Variants in SLC25A40 observed in about 807,000 individuals in gnomAD.
The protein encoded by SLC25A40 is solute carrier family 25 member 40.
SLC25A40 carries 41 observed loss-of-function variants against 46.5 expected under a neutral mutation model. That is an observed-to-expected ratio of 0.88 (90% CI 0.69 to 1.14). The LOEUF (loss-of-function observed/expected upper bound fraction) is 1.14. Ranked by LOEUF, SLC25A40 falls within the 50% of genes most tolerant of loss-of-function variation. The pLI, the probability that SLC25A40 is intolerant of heterozygous loss-of-function variation, is 0.00. For synonymous variants in SLC25A40, 126 were observed against 127.5 expected (o/e 0.99, Z 0.08); for missense variants, 386 against 393.6 (o/e 0.98, Z 0.16).
intron 10 of SLC25A40, among the ~76,000 whole-genome samples, chr7:87,838,679 T>C (rs1023861040): frequency 6.6e-6 from 1 of 151,486 alleles, no homozygotes; most frequent in African/African-American, 2.4e-5. Flanking sequence ...TTTTTTCATC[T>C]TTCTCATGCA....
rs542218076 is a variant in SLC25A40 at position 87,836,216 on chromosome 7, C to T, written c.*33G>A. 7.5e-7 allele frequency: 1 copy of T among 1,333,464 alleles called. No individual in the cohort carries two copies. The highest frequency in any genetic ancestry group is 1.3e-5 in the South Asian group (1 of 77,622). The allele number at this position is 1,333,464 out of a possible 1,614,324, so 82.6% of individuals were successfully genotyped here. A position where few individuals can be genotyped will look rare whatever the true frequency, so the allele number is the denominator to read the frequency against. ...GCCTAAGAGTCTCCATCTTCTTTGGCTATAGTTGTTGTTTCAAGTTGAAAC... is the reference window on the plus strand; with the variant it reads ...GCCTAAGAGTCTCCATCTTCTTTGGTTATAGTTGTTGTTTCAAGTTGAAAC... On this transcript the variant is annotated 3_prime_UTR_variant, in exon 12 of 12. Coordinates refer to ENST00000341119, the MANE Select transcript of SLC25A40 (RefSeq NM_018843.4).
At chr7:87,871,291 C>T (rs1382680731) in intron 1 of SLC25A40, among the ~76,000 whole-genome samples, 2 of 152,204 alleles carry the variant, frequency 1.3e-5, no homozygotes, top group Non-Finnish European at 2.9e-5. Context: ...CAAAAACAGC[C>T]TCCAGATAAT....
intron 5 of SLC25A40, among the ~76,000 whole-genome samples, chr7:87,851,708 A>G (rs1370486752): frequency 6.6e-6 from 1 of 152,214 alleles, no homozygotes; most frequent in Non-Finnish European, 1.5e-5. Flanking sequence ...CTTCCCTCAC[A>G]CTGTGTGTCA....
At chr7:87,868,641 AAGGGAAC>A (rs1838844724) in intron 1 of SLC25A40, among the ~76,000 whole-genome samples, 1 of 152,194 alleles carries the variant, frequency 6.6e-6, no homozygotes, top group African/African-American at 2.4e-5. Context: ...TGATATCGCA[AAGGGAAC>A]GGGTGAAGAA....
intron 8 of SLC25A40, among the ~76,000 whole-genome samples, chr7:87,844,572 GAA>G (rs1209441058): frequency 6.6e-6 from 1 of 151,966 alleles, no homozygotes. Flanking sequence ...AAGTAAGAAA[GAA>G]AAGTTATGAT....
intron 1 of SLC25A40, among the ~76,000 whole-genome samples, chr7:87,863,980 T>C (rs563659091): frequency 6.6e-6 from 1 of 152,356 alleles, no homozygotes; most frequent in South Asian, 2.1e-4. Context: ...CTTATTTCAA[T>C]TAACATAAGG....
chr7:87,854,809 CAAA>C (rs1193322764), intron 4 of SLC25A40, among the ~76,000 whole-genome samples: 1 of 53,576 alleles, frequency 1.9e-5, no homozygotes, highest in Non-Finnish European at 3.7e-5. Flanking sequence ...AAGACTGTCT[CAAA>C]AAAAAAAAAA....
intron 6 of SLC25A40, 85 bp from the exon 7 acceptor site, chr7:87,848,062 G>T: frequency 7.0e-7 from 1 of 1,426,858 alleles, no homozygotes; most frequent in South Asian, 1.4e-5. Context: ...TATTATATAA[G>T]CTAAAAAAGT....
intron 5 of SLC25A40, among the ~76,000 whole-genome samples, chr7:87,852,966 C>T (rs1463140095): frequency 6.6e-6 from 1 of 151,900 alleles, no homozygotes; most frequent in African/African-American, 2.4e-5. Context: ...AAAAGCATGA[C>T]CTATAAAAGA....
At chr7:87,841,777 C>A in intron 9 of SLC25A40, 63 bp from the exon 10 acceptor site, 1 of 962,798 alleles carries the variant, frequency 1.0e-6, no homozygotes, top group Non-Finnish European at 1.5e-6. Context: ...AATATTTTTA[C>A]ATTCTTCTTA....
chr7:87,840,853 A>C (rs1475866370), intron 10 of SLC25A40, among the ~76,000 whole-genome samples: 1 of 151,860 alleles, frequency 6.6e-6, no homozygotes. Context: ...GCTTCTTTTA[A>C]CATTATACCT....
chr7:87,847,018 A>C lies in SLC25A40; in HGVS notation c.562T>G (p.Ser188Ala). The C allele has an allele frequency of 3.7e-6, 6 of 1,613,812 alleles. No individual in the cohort carries two copies. Among genetic ancestry groups the C allele is most frequent in the Non-Finnish European group, 5.1e-6 (6 of 1,179,822 alleles). The change falls in exon 8 of 12, where the codon TCT becomes GCT. Residue 188 changes from serine to alanine, a missense_variant. Coordinates refer to ENST00000341119, the MANE Select transcript of SLC25A40 (RefSeq NM_018843.4). ...CAAAGGGAAATCCAACCATCTTCAG[A>C]TACTTTCTTGCTGACAAATCGATGC... ...ELHRFVSKKVSEDGWISLWRG... is the reference protein window; with the variant it reads ...ELHRFVSKKVAEDGWISLWRG...
chr7:87,862,397 TTACTC>T (rs1210614805), intron 1 of SLC25A40, among the ~76,000 whole-genome samples: 26 of 152,152 alleles, frequency 1.7e-4, no homozygotes, highest in African/African-American at 6.3e-4. Flanking sequence ...CATTAATAAT[TTACTC>T]TAACTAACCA....
intron 1 of SLC25A40, among the ~76,000 whole-genome samples, chr7:87,866,670 C>T (rs1014262051): frequency 6.6e-6 from 1 of 152,184 alleles, no homozygotes; most frequent in Non-Finnish European, 1.5e-5. Flanking sequence ...ACAGGTTGCT[C>T]AGGGAGATAA....
At chr7:87,853,711 T>C (rs938376930) in intron 5 of SLC25A40, among the ~76,000 whole-genome samples, 3 of 152,210 alleles carry the variant, frequency 2.0e-5, no homozygotes, top group Admixed American at 6.5e-5. Context: ...ATTCCATTTA[T>C]ACAACACTCT....
intron 8 of SLC25A40, among the ~76,000 whole-genome samples, chr7:87,845,759 A>T (rs747106605): frequency 4.6e-5 from 7 of 152,214 alleles, no homozygotes; most frequent in Non-Finnish European, 1.0e-4. Context: ...AACAGTGCCC[A>T]ATCTTATTAA....
Position 87,873,720 on chromosome 7 carries a change from G to A in SLC25A40, c.-94+2376C>T, listed in dbSNP as rs1039290611. ...GCTGGGATTATAGGCTTGAGCCACCGTGCCCAGCCAGAAAGGTTAACATTT... is the reference window on the plus strand; with the variant it reads ...GCTGGGATTATAGGCTTGAGCCACCATGCCCAGCCAGAAAGGTTAACATTT... On this transcript the variant is annotated intron_variant, in intron 1 of 11. Transcript: ENST00000341119. Among the ~76,000 whole-genome samples, 6 of 152,158 alleles carry A rather than the reference G, an allele frequency of 3.9e-5. No individual in the cohort carries two copies. The South Asian group carries it at 8.3e-4, about 21-fold the overall frequency.
intron 8 of SLC25A40, among the ~76,000 whole-genome samples, chr7:87,845,513 A>G (rs1051862649): frequency 1.1e-4 from 17 of 152,150 alleles, no homozygotes; most frequent in African/African-American, 4.1e-4. Flanking sequence ...GAGGTGGAAT[A>G]GTTTCGTTCT....
chr7:87,846,689 C>T (rs1838426969), intron 8 of SLC25A40, among the ~76,000 whole-genome samples: 1 of 151,842 alleles, frequency 6.6e-6, no homozygotes, highest in Non-Finnish European at 1.5e-5. Context: ...AGGTAGTTTG[C>T]ATTCTCTGAA....
Sources: allele counts gnomAD v4.1 joint callset (sites outside exome capture counted in the v4.1 genomes callset), GRCh38; gene constraint gnomAD v4.1.1; transcripts MANE v1.5; gene names NCBI Gene and HGNC (gene_info 2026-07-23, HGNC 2026-07-21).